Variants in MLLT3 observed in about 807,000 individuals in gnomAD.
MLLT3 encodes MLLT3 super elongation complex subunit, also known as protein AF-9.
MLLT3 carries 4 observed loss-of-function variants against 53.2 expected under a neutral mutation model. That is an observed-to-expected ratio of 0.08 (90% CI 0.04 to 0.17). The LOEUF (loss-of-function observed/expected upper bound fraction) is 0.17, where lower values mean the gene tolerates loss of function less well. MLLT3 is among the 10% of genes least tolerant of loss of function. The pLI, the probability that MLLT3 is intolerant of heterozygous loss-of-function variation, is 1.00. For synonymous variants in MLLT3, 283 were observed against 230.6 expected (o/e 1.23, Z -2.06); for missense variants, 569 against 684.0 (o/e 0.83, Z 1.87).
At chr9:20,498,019 C>G (rs890941026) in intron 2 of MLLT3, among the ~76,000 whole-genome samples, 5 of 151,674 alleles carry the variant, frequency 3.3e-5, no homozygotes, top group African/African-American at 1.2e-4. Context: ...GCCAGGAGTT[C>G]GAGATCAGTC....
chr9:20,433,262 A>G (rs572838675), intron 4 of MLLT3, among the ~76,000 whole-genome samples: 1 of 152,340 alleles, frequency 6.6e-6, no homozygotes, highest in Admixed American at 6.5e-5. Context: ...GTTAAAAAGT[A>G]TGCAAAGAAA....
chr9:20,351,287 G>T (rs1821023386), intron 10 of MLLT3, among the ~76,000 whole-genome samples: 1 of 152,134 alleles, frequency 6.6e-6, no homozygotes. Context: ...TACTCTCTTA[G>T]GAAACCTGGT....
intron 2 of MLLT3, among the ~76,000 whole-genome samples, chr9:20,513,394 C>T (rs189591875): frequency 6.6e-6 from 1 of 152,254 alleles, no homozygotes; most frequent in Non-Finnish European, 1.5e-5. Context: ...CCAGAAGCAA[C>T]GTACGACAAA....
chr9:20,542,443 G>C (rs1247620502), intron 2 of MLLT3, among the ~76,000 whole-genome samples: 2 of 152,108 alleles, frequency 1.3e-5, no homozygotes, highest in African/African-American at 4.8e-5. Context: ...GTAGAGATGG[G>C]GTTTCACCTT....
chr9:20,411,407 T>A (rs189872676), intron 5 of MLLT3, among the ~76,000 whole-genome samples: 163 of 152,330 alleles, frequency 1.1e-3, no homozygotes, highest in African/African-American at 3.6e-3. Flanking sequence ...TTAATTCTCT[T>A]CTGTTACGCT....
chr9:20,368,397 G>A (rs534199029), intron 5 of MLLT3, among the ~76,000 whole-genome samples: 58 of 152,264 alleles, frequency 3.8e-4, no homozygotes, highest in East Asian at 1.7e-3. Flanking sequence ...TCTGGGAGCC[G>A]AAAAGGAGGT....
At chr9:20,373,373 G>A (rs1821668256) in intron 5 of MLLT3, among the ~76,000 whole-genome samples, 1 of 152,144 alleles carries the variant, frequency 6.6e-6, no homozygotes, top group Admixed American at 6.5e-5. Context: ...TTTCTACAGA[G>A]TATTACTTTT....
intron 2 of MLLT3, among the ~76,000 whole-genome samples, chr9:20,571,093 A>G (rs1050955763): frequency 2.0e-5 from 3 of 152,248 alleles, no homozygotes; most frequent in African/African-American, 7.2e-5. Flanking sequence ...ACACACAGAA[A>G]AAAACAAGGA....
At chr9:20,354,155 A>C (rs890264791) in intron 9 of MLLT3, among the ~76,000 whole-genome samples, 1 of 152,222 alleles carries the variant, frequency 6.6e-6, no homozygotes, top group Non-Finnish European at 1.5e-5. Context: ...TGACAGAAGA[A>C]CAGAAGAATG....
chr9:20,496,868 G>A (rs2118931772), intron 2 of MLLT3, among the ~76,000 whole-genome samples: 1 of 152,210 alleles, frequency 6.6e-6, no homozygotes, highest in South Asian at 2.1e-4. Flanking sequence ...CAGATGATAG[G>A]TACACTGAGG....
At chr9:20,364,572 C>T (rs1173363736) in intron 6 of MLLT3, among the ~76,000 whole-genome samples, 1 of 152,228 alleles carries the variant, frequency 6.6e-6, no homozygotes, top group Non-Finnish European at 1.5e-5. Flanking sequence ...TCCCTACAAT[C>T]TCACATTCTG....
chr9:20,448,221 G>A lies in MLLT3; in HGVS notation c.322C>T (p.Leu108Phe), dbSNP rs1402779025. ...VRFDYDLFLH[L>F]EGHPPVNHLR... is the part of the protein sequence containing the mutation. ...TGATTCACTGGTGGATGGCCTTCAA[G>A]ATGCAGGAATAAGTCATAATCAAAG... The change falls in exon 4 of 11, where the codon CTT (leucine) becomes TTT (phenylalanine). Residue 108 changes from leucine (L) to phenylalanine (F), a missense_variant. This residue lies in a region of MLLT3 where 35 missense variants were observed against 136.8 expected (regional missense o/e 0.26). Coordinates refer to ENST00000380338, the MANE Select transcript of MLLT3 (RefSeq NM_004529.4). The surrounding 1 kb of genome is among the most constrained non-coding windows in gnomAD (Gnocchi z 4.0). 6.2e-7 allele frequency: 1 copy of A among 1,613,618 alleles called. No individual in the cohort carries two copies. Among genetic ancestry groups the A allele is most frequent in the Non-Finnish European group, 8.5e-7 (1 of 1,179,750 alleles).
intron 5 of MLLT3, among the ~76,000 whole-genome samples, chr9:20,381,537 A>C (rs1249305341): frequency 6.6e-6 from 1 of 151,910 alleles, no homozygotes; most frequent in Non-Finnish European, 1.5e-5. Flanking sequence ...ATGTATATTA[A>C]CCTGTAAACC....
At chr9:20,399,273 G>T (rs1822397957) in intron 5 of MLLT3, among the ~76,000 whole-genome samples, 1 of 152,056 alleles carries the variant, frequency 6.6e-6, no homozygotes, top group African/African-American at 2.4e-5. Context: ...TCCTCGACTA[G>T]ACATGCATCA....
At chr9:20,466,533 T>C (rs1824242070) in intron 2 of MLLT3, among the ~76,000 whole-genome samples, 1 of 152,222 alleles carries the variant, frequency 6.6e-6, no homozygotes, top group Admixed American at 6.5e-5. Context: ...GTTTTCTCCC[T>C]ACCCTGACTA....
At chr9:20,445,857 A>G (rs891459416) in intron 4 of MLLT3, among the ~76,000 whole-genome samples, 1 of 152,176 alleles carries the variant, frequency 6.6e-6, no homozygotes, top group Non-Finnish European at 1.5e-5. Flanking sequence ...AGGCCAAAAA[A>G]TAAGAAGAAG....
chr9:20,375,904 G>A (rs150751502), intron 5 of MLLT3, among the ~76,000 whole-genome samples: 54 of 151,944 alleles, frequency 3.6e-4, no homozygotes, highest in African/African-American at 8.7e-4. Flanking sequence ...CACCGCGCCC[G>A]GACTTCAGTA....
intron 2 of MLLT3, among the ~76,000 whole-genome samples, chr9:20,591,091 T>A (rs1820116931): frequency 6.6e-6 from 1 of 152,168 alleles, no homozygotes; most frequent in Non-Finnish European, 1.5e-5. Flanking sequence ...TTTAGTCACA[T>A]TAACCCACAA....
At chr9:20,466,713 C>T (rs1318434684) in intron 2 of MLLT3, among the ~76,000 whole-genome samples, 1 of 152,174 alleles carries the variant, frequency 6.6e-6, no homozygotes, top group East Asian at 1.9e-4. Context: ...CTCATGGTCT[C>T]TGAATTGCAG....
Sources: allele counts gnomAD v4.1 joint callset (sites outside exome capture counted in the v4.1 genomes callset), GRCh38; gene constraint gnomAD v4.1.1; regional missense constraint gnomAD v4.1.1; non-coding constraint Gnocchi (gnomAD v3.1); transcripts MANE v1.5; gene names NCBI Gene and HGNC (gene_info 2026-07-23, HGNC 2026-07-21).